The following SDK1 variants were observed in gnomAD, a reference collection of about 807,000 sequenced individuals.
SDK1 encodes the protein protein sidekick-1.
In SDK1, 157 loss-of-function variants were observed where a neutral mutation model predicts 245.5. The ratio of observed to expected loss-of-function variants is 0.64; its 90% CI spans 0.56 to 0.73. The LOEUF (loss-of-function observed/expected upper bound fraction) is 0.73. SDK1 is among the 30% of genes least tolerant of loss of function. The pLI, the probability that SDK1 is intolerant of heterozygous loss-of-function variation, is 0.00. For missense variants in SDK1, 3,583 were observed against 3,002.3 expected (o/e 1.19, Z -4.52); for synonymous variants, 1,647 against 1,278.5 (o/e 1.29, Z -6.15).
At chr7:3,430,099 G>T (rs1779794741) in intron 1 of SDK1, among the ~76,000 whole-genome samples, 1 of 152,178 alleles carries the variant, frequency 6.6e-6, no homozygotes, top group East Asian at 1.9e-4. Flanking sequence ...TTGCAGCACA[G>T]TCAATGACTA....
intron 1 of SDK1, among the ~76,000 whole-genome samples, chr7:3,482,153 A>G (rs1329901293): frequency 2.0e-5 from 3 of 152,246 alleles, no homozygotes; most frequent in Non-Finnish European, 4.4e-5. Flanking sequence ...TAAAAAACAC[A>G]TAGTTTTACA....
intron 5 of SDK1, among the ~76,000 whole-genome samples, chr7:3,833,721 C>A (rs1394729240): frequency 2.0e-5 from 3 of 152,144 alleles, no homozygotes; most frequent in African/African-American, 7.2e-5. Flanking sequence ...AAAATGGTAC[C>A]ATCATATTTG....
rs148360210 is a variant in SDK1 at position 3,574,098 on chromosome 7, T to A, written c.299-44982T>A. Among the ~76,000 whole-genome samples the A allele has an allele frequency of 4.6e-5, 7 of 151,994 alleles. No individual in the cohort carries two copies. The East Asian group carries it at 1.4e-3, about 29-fold the overall frequency. ...CTGCAGCTATCCTTCCTGATCAGAC[T>A]AGACATATACCTGATTTTTTTTTTC... On this transcript the variant is annotated intron_variant, in intron 1 of 44. Transcript: ENST00000404826.
intron 4 of SDK1, among the ~76,000 whole-genome samples, chr7:3,790,895 G>T (rs1487579785): frequency 6.6e-6 from 1 of 152,070 alleles, no homozygotes; most frequent in African/African-American, 2.4e-5. Context: ...CATTTTGGGG[G>T]CAGAAGCTAA....
At chr7:4,036,000 CTT>C (rs1220978344) in intron 17 of SDK1, among the ~76,000 whole-genome samples, 7 of 152,300 alleles carry the variant, frequency 4.6e-5, no homozygotes, top group Admixed American at 4.6e-4. Context: ...TCAAAAATCT[CTT>C]TTAAGATTTT....
intron 4 of SDK1, among the ~76,000 whole-genome samples, chr7:3,702,461 A>T (rs141474711): frequency 6.6e-5 from 10 of 152,168 alleles, no homozygotes; most frequent in African/African-American, 2.4e-4. Flanking sequence ...GACTTTCCAT[A>T]CTGGACATGA....
chr7:3,454,555 C>A (rs1191132944), intron 1 of SDK1, among the ~76,000 whole-genome samples: 1 of 152,106 alleles, frequency 6.6e-6, no homozygotes, highest in East Asian at 1.9e-4. Flanking sequence ...TTCCCAATCT[C>A]TGATCAGCTG....
chr7:3,477,731 C>T (rs186782609), intron 1 of SDK1, among the ~76,000 whole-genome samples: 1 of 152,070 alleles, frequency 6.6e-6, no homozygotes, highest in South Asian at 2.1e-4. Flanking sequence ...TCAGGCTTGT[C>T]CCGAACCTCT....
At chr7:3,711,591 C>T (rs556533201) in intron 4 of SDK1, among the ~76,000 whole-genome samples, 2 of 152,272 alleles carry the variant, frequency 1.3e-5, no homozygotes, top group South Asian at 4.1e-4. Flanking sequence ...GGTACCAGGG[C>T]TCAGAGCATT....
chr7:3,796,791 A>C (rs758711540), intron 4 of SDK1, among the ~76,000 whole-genome samples: 2 of 152,192 alleles, frequency 1.3e-5, no homozygotes, highest in Non-Finnish European at 2.9e-5. Flanking sequence ...TTTGCTGTAC[A>C]CATTTTTGCC....
intron 1 of SDK1, among the ~76,000 whole-genome samples, chr7:3,413,187 A>T (rs564729401): frequency 6.6e-6 from 1 of 152,316 alleles, no homozygotes; most frequent in South Asian, 2.1e-4. Context: ...CAGTAGCAGG[A>T]ACAACAACTG....
At chr7:4,112,917 C>G (rs190771313) in intron 23 of SDK1, among the ~76,000 whole-genome samples, 4 of 152,178 alleles carry the variant, frequency 2.6e-5, no homozygotes, top group Admixed American at 2.6e-4. Context: ...CCACGCCTGG[C>G]TAATTTTTGT....
chr7:4,145,642 A>C, intron 28 of SDK1, 80 bp from the exon 29 acceptor site: 3 of 1,269,528 alleles, frequency 2.4e-6, no homozygotes, highest in Non-Finnish European at 3.3e-6. Context: ...TCCAGGGGTC[A>C]GCACAGGGTG....
chr7:3,701,344 G>A (rs1397146032), intron 4 of SDK1, among the ~76,000 whole-genome samples: 3 of 152,190 alleles, frequency 2.0e-5, no homozygotes, highest in African/African-American at 7.2e-5. Flanking sequence ...ATAAAAAGTG[G>A]ACTATGTGTC....
At chr7:3,986,611 A>T (rs1239503991) in intron 13 of SDK1, among the ~76,000 whole-genome samples, 2 of 152,252 alleles carry the variant, frequency 1.3e-5, no homozygotes, top group African/African-American at 2.4e-5. Flanking sequence ...CTGTAATCCC[A>T]GCACTTTGGG....
At chr7:3,555,959 C>G (rs1200904949) in intron 1 of SDK1, among the ~76,000 whole-genome samples, 1 of 152,130 alleles carries the variant, frequency 6.6e-6, no homozygotes, top group Non-Finnish European at 1.5e-5. Context: ...TCCTCATACA[C>G]TATCGGTGGG....
chr7:3,729,432 A>G (rs1779111028), intron 4 of SDK1, among the ~76,000 whole-genome samples: 1 of 152,228 alleles, frequency 6.6e-6, no homozygotes, highest in Non-Finnish European at 1.5e-5. Flanking sequence ...TTCTGGAGAC[A>G]TTTGTGGTTG....
At chr7:3,794,454 T>C (rs1018821890) in intron 4 of SDK1, among the ~76,000 whole-genome samples, 40 of 152,220 alleles carry the variant, frequency 2.6e-4, no homozygotes, top group African/African-American at 9.6e-4. Context: ...ATCCCCAATG[T>C]GGCAGTATTG....
chr7:3,615,795 C>T (rs1781749312), intron 1 of SDK1, among the ~76,000 whole-genome samples: 6 of 148,464 alleles, frequency 4.0e-5, no homozygotes. Context: ...CTATTCCACG[C>T]CCTCTTTTTT....
Sources: gnomAD v4.1 joint callset for allele counts (sites outside exome capture counted in the v4.1 genomes callset) on GRCh38, gnomAD v4.1.1 for gene constraint, MANE v1.5 for transcripts, NCBI Gene and HGNC (gene_info 2026-07-23, HGNC 2026-07-21) for gene names.